ANKRD45: variants seen among roughly 807,000 people sequenced by gnomAD.
ANKRD45 encodes ankyrin repeat domain-containing protein 45.
A neutral mutation model predicts 28.1 loss-of-function variants in ANKRD45; 21 were observed. That is an observed-to-expected ratio of 0.75 (90% confidence interval 0.53 to 1.08). ANKRD45 has a LOEUF of 1.08. Among genes scored for constraint, ANKRD45 ranks in the 50% least tolerant of loss-of-function variants. The probability of loss-of-function intolerance (pLI) is 0.00; values close to 1 mark genes in which losing one functional copy is unlikely to be tolerated. For synonymous variants in ANKRD45, 86 were observed against 103.9 expected (o/e 0.83, Z 1.05); for missense variants, 261 against 308.7 (o/e 0.85, Z 1.16).
At chr1:173,652,169 G>A (rs1424594519) in intron 2 of ANKRD45, among the ~76,000 whole-genome samples, 2 of 152,078 alleles carry the variant, frequency 1.3e-5, no homozygotes, top group African/African-American at 2.4e-5. Flanking sequence ...TCCCTGTCTT[G>A]TGCCAGTTTT....
rs553452299 is a variant in ANKRD45 at position 173,628,721 on chromosome 1, G to A, written c.497-1562C>T. Among the ~76,000 whole-genome samples the A allele has an allele frequency of 4.2e-4, 64 of 152,270 alleles. 2 individuals are homozygous for A. In the South Asian group the frequency reaches 0.013, roughly 31 times the overall value. On this transcript the variant is annotated intron_variant, in intron 3 of 5. Coordinates refer to ENST00000333279, the MANE Select transcript of ANKRD45 (RefSeq NM_198493.3). Reference sequence around the variant, plus strand: ...GCCTGGGGGAACTTGTTGCCTTTACGGAAGGACGCATGCCTGGCTGTATTT... The same window carrying A: ...GCCTGGGGGAACTTGTTGCCTTTACAGAAGGACGCATGCCTGGCTGTATTT...
At chr1:173,654,887 T>C (rs1669425898) in intron 2 of ANKRD45, among the ~76,000 whole-genome samples, 1 of 152,242 alleles carries the variant, frequency 6.6e-6, no homozygotes, top group African/African-American at 2.4e-5. Flanking sequence ...CTTGATCGAA[T>C]TGGCTACTGA....
chr1:173,646,801 C>T lies in ANKRD45; in HGVS notation c.496+45G>A, dbSNP rs1282249176. The T allele has an allele frequency of 2.5e-6, 4 of 1,579,334 alleles. No homozygotes were observed. The African/African-American group carries it at 5.4e-5, about 21-fold the overall frequency. On this transcript the variant is annotated intron_variant, in intron 3 of 5. Transcript: ENST00000333279. ...TATCCTGTAACTCATAGGAGAAAAA[C>T]TCATCACATCAGTCAGTTTGCTAAC...
intron 2 of ANKRD45, among the ~76,000 whole-genome samples, chr1:173,651,889 C>T (rs1352214893): frequency 6.6e-6 from 1 of 152,144 alleles, no homozygotes; most frequent in African/African-American, 2.4e-5. Flanking sequence ...TGATTTGGCT[C>T]TCTGTTTCTC....
chr1:173,650,197 C>T (rs527448068), intron 2 of ANKRD45, among the ~76,000 whole-genome samples: 37 of 152,236 alleles, frequency 2.4e-4, no homozygotes, highest in Non-Finnish European at 4.9e-4. Context: ...TGTTGGTTTG[C>T]TGCACCCATT....
intron 3 of ANKRD45, among the ~76,000 whole-genome samples, chr1:173,642,147 C>T (rs531498066): frequency 3.3e-5 from 5 of 152,324 alleles, no homozygotes; most frequent in African/African-American, 9.6e-5. Flanking sequence ...GCCAAAAATT[C>T]TGGATTAGAT....
At chr1:173,670,329 A>G (rs1469625591), upstream of ANKRD45, among the ~76,000 whole-genome samples, 2 of 152,134 alleles carry the variant, frequency 1.3e-5, no homozygotes, top group Non-Finnish European at 2.9e-5. Context: ...GCAAAACACA[A>G]CTTTAAAAGG....
intron 1 of ANKRD45, among the ~76,000 whole-genome samples, chr1:173,662,037 C>T (rs952511391): frequency 6.6e-6 from 1 of 152,126 alleles, no homozygotes; most frequent in Non-Finnish European, 1.5e-5. Flanking sequence ...GGGTAAAAGG[C>T]CAGGGAGCAG....
the ANKRD45 span, among the ~76,000 whole-genome samples, chr1:173,708,680 G>A: frequency 6.6e-6 from 1 of 152,222 alleles, no homozygotes; most frequent in African/African-American, 2.4e-5. Context: ...ATCCAATAAT[G>A]TGGAATGACT....
intron 3 of ANKRD45, among the ~76,000 whole-genome samples, chr1:173,642,431 TATAAA>T (rs372738806): frequency 8.0e-4 from 122 of 152,286 alleles, no homozygotes; most frequent in African/African-American, 2.7e-3. Flanking sequence ...AAAGAGGAAT[TATAAA>T]ATAAAAGAGG....
chr1:173,633,731 A>G (rs988678073), intron 3 of ANKRD45, among the ~76,000 whole-genome samples: 1 of 152,064 alleles, frequency 6.6e-6, no homozygotes, highest in Non-Finnish European at 1.5e-5. Context: ...AAGAACATAC[A>G]TTGGGGAAAG....
At chr1:173,707,396 G>A in the ANKRD45 span, among the ~76,000 whole-genome samples, 12 of 151,326 alleles carry the variant, frequency 7.9e-5, no homozygotes, top group Admixed American at 6.6e-4. Flanking sequence ...GCAGTGGTGC[G>A]ATCTCAGCTC....
intron 3 of ANKRD45, among the ~76,000 whole-genome samples, chr1:173,637,998 G>C (rs1442744911): frequency 6.6e-6 from 1 of 152,070 alleles, no homozygotes; most frequent in Admixed American, 6.6e-5. Flanking sequence ...AGGCTTGCAG[G>C]ACCACAGTGA....
intron 5 of ANKRD45, among the ~76,000 whole-genome samples, chr1:173,613,600 T>G (rs901839176): frequency 2.7e-4 from 19 of 71,232 alleles, no homozygotes; most frequent in Admixed American, 5.9e-4. Flanking sequence ...GGGAGGGAGG[T>G]GGGGGGTCAG....
chr1:173,610,951 G>A (rs141094996), intron 5 of ANKRD45, among the ~76,000 whole-genome samples: 460 of 152,002 alleles, frequency 3.0e-3, no homozygotes, highest in Non-Finnish European at 5.3e-3. Context: ...ATTATCCTCC[G>A]TACTTAATCT....
At chr1:173,642,227 C>T (rs1034302811) in intron 3 of ANKRD45, among the ~76,000 whole-genome samples, 2 of 152,204 alleles carry the variant, frequency 1.3e-5, no homozygotes, top group African/African-American at 2.4e-5. Context: ...ATTCTCACCT[C>T]GTTAGCTCTT....
chr1:173,700,521 A>G, the ANKRD45 span, among the ~76,000 whole-genome samples: 1 of 152,214 alleles, frequency 6.6e-6, no homozygotes, highest in Non-Finnish European at 1.5e-5. Context: ...AATGCCACAT[A>G]TCTACAACCA....
intron 3 of ANKRD45, among the ~76,000 whole-genome samples, chr1:173,630,657 C>T (rs1025354597): frequency 1.4e-5 from 2 of 145,940 alleles, no homozygotes; most frequent in Admixed American, 6.9e-5. Context: ...AGACCAGCTA[C>T]TAAAAATACA....
Position 173,633,344 on chromosome 1 carries a change from G to T in ANKRD45, c.497-6185C>A, listed in dbSNP as rs188813064. On this transcript the variant is annotated intron_variant, in intron 3 of 5. Coordinates refer to ENST00000333279, the MANE Select transcript of ANKRD45 (RefSeq NM_198493.3). ...TAAAAGACTGATGCAAGAAACTGAAGAGGACATAAAAAATGGAAAGACATT... is the reference window on the plus strand; with the variant it reads ...TAAAAGACTGATGCAAGAAACTGAATAGGACATAAAAAATGGAAAGACATT... Among the ~76,000 whole-genome samples, 50 of 151,958 alleles carry T rather than the reference G, an allele frequency of 3.3e-4. No individual in the cohort carries two copies. In the East Asian group the frequency reaches 9.5e-3, roughly 29 times the overall value.
Sources: gnomAD v4.1 joint callset for allele counts (sites outside exome capture counted in the v4.1 genomes callset) on GRCh38, gnomAD v4.1.1 for gene constraint, MANE v1.5 for transcripts, NCBI Gene and HGNC (gene_info 2026-07-23, HGNC 2026-07-21) for gene names.